AKR1B15: variants seen among roughly 807,000 people sequenced by gnomAD.
AKR1B15 encodes estradiol 17-beta-dehydrogenase AKR1B15.
In AKR1B15, 49 loss-of-function variants were observed where a neutral mutation model predicts 38.5. The observed-to-expected ratio is 1.27, with a 90% CI of 1.01 to 1.62. The LOEUF (loss-of-function observed/expected upper bound fraction) is 1.62, where lower values mean the gene tolerates loss of function less well. Among genes scored for constraint, AKR1B15 ranks in the 40% most tolerant of loss-of-function variants. AKR1B15 has a pLI of 0.00. For missense variants in AKR1B15, 411 were observed against 381.6 expected, an observed-to-expected ratio of 1.08 and a Z score of -0.64; for synonymous variants, 137 against 135.5, an observed-to-expected ratio of 1.01 and a Z score of -0.08.
chr7:134,562,820 C>T (rs1794434247), intron 2 of AKR1B15, among the ~76,000 whole-genome samples: 1 of 141,758 alleles, frequency 7.1e-6, no homozygotes. Flanking sequence ...TCCTTTCTTC[C>T]TTCCTTCCTT....
At chr7:134,574,091 T>C (rs189369080) in intron 6 of AKR1B15, among the ~76,000 whole-genome samples, 1 of 152,178 alleles carries the variant, frequency 6.6e-6, no homozygotes, top group Non-Finnish European at 1.5e-5. Flanking sequence ...GACAGAGTCT[T>C]GCTATGTTGC....
At chr7:134,562,202 G>A (rs556472833) in intron 2 of AKR1B15, among the ~76,000 whole-genome samples, 2 of 152,294 alleles carry the variant, frequency 1.3e-5, no homozygotes, top group Non-Finnish European at 1.5e-5. Context: ...TGGAGCAGCG[G>A]ACCTTCACAG....
intron 2 of AKR1B15, among the ~76,000 whole-genome samples, chr7:134,558,189 T>C (rs1376824070): frequency 6.6e-6 from 1 of 152,182 alleles, no homozygotes; most frequent in Non-Finnish European, 1.5e-5. Context: ...AAGTTATAGA[T>C]AGTTGCTTAA....
At chr7:134,565,335 T>C in intron 3 of AKR1B15, 1 of 1,326,952 alleles carries the variant, frequency 7.5e-7, no homozygotes, top group Non-Finnish European at 1.0e-6. Flanking sequence ...ACACAACATC[T>C]TTAACAGCTG....
chr7:134,577,343 C>T (rs1794787885), intron 10 of AKR1B15, among the ~76,000 whole-genome samples: 1 of 152,174 alleles, frequency 6.6e-6, no homozygotes, highest in Non-Finnish European at 1.5e-5. Flanking sequence ...AGGCCATACA[C>T]AAGAGCAGAC....
chr7:134,569,727 TGAA>T, intron 5 of AKR1B15, 198 bp downstream of exon 5: 1 of 548,774 alleles, frequency 1.8e-6, no homozygotes, highest in Non-Finnish European at 3.2e-6. Flanking sequence ...ACATAAATTG[TGAA>T]GATTTCATGA....
At chr7:134,574,261 C>T (rs1475177080) in intron 6 of AKR1B15, among the ~76,000 whole-genome samples, 3 of 152,164 alleles carry the variant, frequency 2.0e-5, no homozygotes, top group Non-Finnish European at 2.9e-5. Flanking sequence ...ATAAAGTGTT[C>T]CCTGAACATG....
chr7:134,579,077 C>T (rs1794824707), intron 11 of AKR1B15, among the ~76,000 whole-genome samples: 1 of 152,146 alleles, frequency 6.6e-6, no homozygotes, highest in Non-Finnish European at 1.5e-5. Flanking sequence ...TAATACTAAT[C>T]GCAGCTAACA....
At chr7:134,569,599 G>C in intron 5 of AKR1B15, 70 bp downstream of exon 5, 1 of 1,508,540 alleles carries the variant, frequency 6.6e-7, no homozygotes, top group Middle Eastern at 1.7e-4. Flanking sequence ...CCCCAACAGA[G>C]AGACTGGCTG....
At chr7:134,562,827 C>CCTTT (rs1329505020) in intron 2 of AKR1B15, among the ~76,000 whole-genome samples, 60 of 138,394 alleles carry the variant, frequency 4.3e-4, no homozygotes, top group African/African-American at 1.6e-3. Flanking sequence ...TTCCTTCCTT[C>CCTTT]CTTTCTCTTT....
chr7:134,553,608 C>G (rs1794074100), intron 1 of AKR1B15, among the ~76,000 whole-genome samples: 1 of 152,214 alleles, frequency 6.6e-6, no homozygotes, highest in Admixed American at 6.5e-5. Context: ...GACCTTGCTA[C>G]AAAGTGCTTC....
In AKR1B15 at chr7:134,551,490, C is replaced by A. The variant is rs538016955; in HGVS notation, c.-147+2241C>A. 1.2e-3 allele frequency among the ~76,000 whole-genome samples: 188 copies of A among 152,334 alleles called. 1 individual carries two copies. In the Middle Eastern group the frequency reaches 0.037, roughly 30 times the overall value. On this transcript the variant is annotated intron_variant, in intron 1 of 11. Transcript: ENST00000457545. ...GTCAGCAACTCCTTTCATCCCTTTT[C>A]ACCTCTGAAGAGAGGGACCATATCT...
chr7:134,573,087 G>C (rs1477571701), intron 6 of AKR1B15, among the ~76,000 whole-genome samples: 1 of 152,212 alleles, frequency 6.6e-6, no homozygotes, highest in African/African-American at 2.4e-5. Flanking sequence ...CTAGGGTGCA[G>C]TGACACCATC....
chr7:134,569,909 A>T (rs866602993), intron 5 of AKR1B15: 4 of 199,558 alleles, frequency 2.0e-5, no homozygotes, highest in South Asian at 9.0e-5. Context: ...TTTGAACAAT[A>T]TCAAATATGG....
intron 1 of AKR1B15, among the ~76,000 whole-genome samples, chr7:134,555,723 G>C (rs1351904428): frequency 6.6e-6 from 1 of 152,150 alleles, no homozygotes; most frequent in Admixed American, 6.5e-5. Flanking sequence ...TGCCGATCAT[G>C]AGAGCAGGGA....
At chr7:134,578,170 G>A (rs1373769102) in intron 11 of AKR1B15, among the ~76,000 whole-genome samples, 1 of 152,164 alleles carries the variant, frequency 6.6e-6, no homozygotes, top group African/African-American at 2.4e-5. Flanking sequence ...GAGGGAAGAA[G>A]AGACAACAGA....
intron 4 of AKR1B15, 100 bp from the exon 5 acceptor site, chr7:134,569,313 C>A (rs1226709667): frequency 2.9e-6 from 4 of 1,399,558 alleles, no homozygotes; most frequent in Non-Finnish European, 4.0e-6. Flanking sequence ...ATGGCCTGAG[C>A]CAGGTTAGAT....
In AKR1B15 at chr7:134,568,214, C is replaced by T; in HGVS notation, c.207C>T (p.Arg69=). The T allele has an allele frequency of 6.2e-7, 1 of 1,614,070 alleles. No individual in the cohort carries two copies. Among genetic ancestry groups the T allele is most frequent in the South Asian group, 1.1e-5 (1 of 91,070 alleles). ...AVKVAIDAEY[R]HIDCAYFYEN... ...AGGTGGCCATTGATGCAGAATATCG[C>T]CACATTGACTGTGCCTATTTCTATG... Residue 69 remains arginine, a synonymous_variant, in exon 4 of 12, where the codon CGC becomes CGT. Transcript: ENST00000457545.
chr7:134,577,664 C>G, intron 10 of AKR1B15, 40 bp from the exon 11 acceptor site: 2 of 1,600,372 alleles, frequency 1.2e-6, no homozygotes, highest in Non-Finnish European at 1.7e-6. Flanking sequence ...ACAGCAGTAA[C>G]AGCCTTACCG....
Sources: gnomAD v4.1 joint callset for allele counts (sites outside exome capture counted in the v4.1 genomes callset) on GRCh38, gnomAD v4.1.1 for gene constraint, MANE v1.5 for transcripts, NCBI Gene and HGNC (gene_info 2026-07-23, HGNC 2026-07-21) for gene names.